POF1B: variants seen among roughly 807,000 people sequenced by gnomAD.
POF1B encodes protein POF1B.
POF1B carries 53 observed loss-of-function variants against 55.3 expected under a neutral mutation model. That is an observed-to-expected ratio of 0.96 (90% CI 0.77 to 1.20). The LOEUF is 1.20. Ranked by LOEUF, POF1B falls within the 50% of genes most tolerant of loss-of-function variation. POF1B has a pLI of 0.00. For missense variants in POF1B, 478 were observed against 420.5 expected (o/e 1.14, Z -1.20); for synonymous variants, 188 against 148.3 (o/e 1.27, Z -1.95).
chrX:85,363,815 CT>C (rs1221530599), intron 3 of POF1B, among the ~76,000 whole-genome samples: 1 of 111,053 alleles, frequency 9.0e-6, no homozygotes, highest in African/African-American at 3.3e-5. Flanking sequence ...AATTTTCTGC[CT>C]TGATGAGCTG....
intron 15 of POF1B, among the ~76,000 whole-genome samples, chrX:85,298,537 C>T (rs1317820703): frequency 1.8e-5 from 2 of 111,660 alleles, no homozygotes; most frequent in African/African-American, 3.3e-5. Flanking sequence ...CCTATTCAGC[C>T]TTAGTATCTG....
Position 85,343,175 on chromosome X carries a change from A to T in POF1B, c.723+2685T>A, listed in dbSNP as rs747403883. ...TGCACGTTCTGTACATGTATCCGAGAACTTAAAGTATAATAAAAAAAGAGA... is the reference window on the plus strand; with the variant it reads ...TGCACGTTCTGTACATGTATCCGAGTACTTAAAGTATAATAAAAAAAGAGA... On this transcript the variant is annotated intron_variant, in intron 6 of 16. Transcript: ENST00000262753. Among the ~76,000 whole-genome samples, 136 of 110,174 alleles carry T rather than the reference A, an allele frequency of 1.2e-3. 2 individuals are homozygous for T. Among genetic ancestry groups the T allele is most frequent in the African/African-American group, 4.3e-3 (132 of 30,361 alleles).
At position 85,362,377 on chromosome X, in the gene POF1B, G is replaced by A. The variant is rs1172696371; in HGVS notation, c.358-2747C>T. Among the ~76,000 whole-genome samples the A allele has an allele frequency of 2.7e-5, 3 of 111,270 alleles. No homozygotes were observed. The East Asian group carries it at 8.5e-4, about 32-fold the overall frequency. ...CCCTTTCACTATGATGTTGGCTATA[G>A]GTTTGTCACATATGGCTCTTATTAT... On this transcript the variant is annotated intron_variant, in intron 3 of 16. Transcript: ENST00000262753.
At chrX:85,347,113 G>A (rs777480476) in intron 5 of POF1B, among the ~76,000 whole-genome samples, 1 of 110,878 alleles carries the variant, frequency 9.0e-6, no homozygotes, top group East Asian at 2.9e-4. Context: ...TTTTAGTTTG[G>A]GGGATTTCAG....
At chrX:85,363,704 G>T (rs1342143764) in intron 3 of POF1B, among the ~76,000 whole-genome samples, 2 of 111,747 alleles carry the variant, frequency 1.8e-5, no homozygotes, top group African/African-American at 6.5e-5. Flanking sequence ...ACGTGATGAT[G>T]AGAAGAATGT....
intron 9 of POF1B, among the ~76,000 whole-genome samples, chrX:85,312,342 A>C (rs1932721702): frequency 9.0e-6 from 1 of 111,579 alleles, no homozygotes; most frequent in African/African-American, 3.3e-5. Flanking sequence ...ATCTTGAGTT[A>C]ATTTTTGTAT....
chrX:85,367,096 C>G (rs1282970532), intron 3 of POF1B, among the ~76,000 whole-genome samples: 1 of 111,082 alleles, frequency 9.0e-6, no homozygotes, highest in Non-Finnish European at 1.9e-5. Flanking sequence ...TAACAACAAA[C>G]TTAGCGTGCT....
At chrX:85,358,261 C>T (rs887102436) in intron 4 of POF1B, among the ~76,000 whole-genome samples, 2 of 111,565 alleles carry the variant, frequency 1.8e-5, no homozygotes, top group African/African-American at 6.5e-5. Flanking sequence ...TTATCTCCGA[C>T]ATCTGAACTC....
chrX:85,338,277 G>T (rs929543681), intron 6 of POF1B, among the ~76,000 whole-genome samples: 1 of 111,493 alleles, frequency 9.0e-6, no homozygotes, highest in Non-Finnish European at 1.9e-5. Flanking sequence ...TTATAACAAA[G>T]GATAAAATTG....
intron 15 of POF1B, among the ~76,000 whole-genome samples, chrX:85,288,794 G>A (rs1294915444): frequency 9.0e-6 from 1 of 111,041 alleles, no homozygotes; most frequent in South Asian, 3.8e-4. Flanking sequence ...TTCACCTCCC[G>A]CCATAATTCT....
At chrX:85,363,658 AT>A (rs1933666325) in intron 3 of POF1B, among the ~76,000 whole-genome samples, 1 of 111,663 alleles carries the variant, frequency 9.0e-6, no homozygotes, top group Non-Finnish European at 1.9e-5. Context: ...AGATTGTTTT[AT>A]ATCTGATTGT....
chrX:85,290,466 A>G (rs1319556200), intron 15 of POF1B, among the ~76,000 whole-genome samples: 2 of 111,357 alleles, frequency 1.8e-5, no homozygotes, highest in Admixed American at 1.9e-4. Context: ...CTTTGGGTAT[A>G]TACCCAGAAA....
chrX:85,304,319 C>T (rs745623805), intron 14 of POF1B, 24 bp downstream of exon 14: 11 of 1,144,774 alleles, frequency 9.6e-6, no homozygotes, highest in East Asian at 6.3e-5. Context: ...TACTTTTCTC[C>T]ATCCCCACCC....
rs142365155 is a variant in POF1B at position 85,331,055 on chromosome X, C to T, written c.748G>A (p.Glu250Lys). The change falls in exon 7 of 17, where the codon GAA (glutamate) becomes AAA (lysine). Residue 250 changes from glutamate (E) to lysine (K), a missense_variant. Physicochemically the swap from Glu to Lys is moderately conservative, Grantham distance 56. Coordinates refer to ENST00000262753, the MANE Select transcript of POF1B (RefSeq NM_024921.4). Reference protein sequence around the residue: ...EQVIIQDDGPEKLDPRYFGEL... With the variant: ...EQVIIQDDGPKKLDPRYFGEL... Reference sequence around the variant, plus strand: ...CCAAAATATCTGGGGTCCAATTTTTCAGGGCCATCATCCTGAATTATCACC... The same window carrying T: ...CCAAAATATCTGGGGTCCAATTTTTTAGGGCCATCATCCTGAATTATCACC... 6 of 1,204,537 alleles carry T rather than the reference C, an allele frequency of 5.0e-6. No homozygotes were observed. Among genetic ancestry groups the T allele is most frequent in the Non-Finnish European group, 6.7e-6 (6 of 892,566 alleles).
At chrX:85,334,951 T>G (rs937794669) in intron 6 of POF1B, among the ~76,000 whole-genome samples, 2 of 111,741 alleles carry the variant, frequency 1.8e-5, no homozygotes, top group African/African-American at 6.5e-5. Context: ...GCTATCTATA[T>G]TCTCTTGCCT....
chrX:85,296,782 CCT>C (rs1309984470), intron 15 of POF1B, among the ~76,000 whole-genome samples: 1 of 111,990 alleles, frequency 8.9e-6, no homozygotes, highest in Non-Finnish European at 1.9e-5. Flanking sequence ...TGCATGTCAA[CCT>C]CTCTAATGAG....
At chrX:85,286,456 T>A (rs749825628) in intron 15 of POF1B, among the ~76,000 whole-genome samples, 1 of 111,642 alleles carries the variant, frequency 9.0e-6, no homozygotes, top group East Asian at 2.8e-4. Context: ...CATATAGATA[T>A]GTATTGCCTA....
chrX:85,304,399 G>A lies in POF1B; in HGVS notation c.1510C>T (p.His504Tyr). The A allele has an allele frequency of 5.0e-6, 6 of 1,194,203 alleles. No homozygotes were observed. The highest frequency in any genetic ancestry group is 5.7e-6 in the Non-Finnish European group (5 of 884,541). ...TCTTCCAGCAAGCTTGTCAGTTCAT[G>A]AAGCTTAAATTGGAAGTCACTACAA... Reference protein sequence around the residue: ...GSCSDFQFKLHELTSLLEEKD... With the variant: ...GSCSDFQFKLYELTSLLEEKD... The change falls in exon 14 of 17, where the codon CAT becomes TAT. Residue 504 changes from histidine (H) to tyrosine (Y), a missense_variant. Physicochemically the swap from His to Tyr is moderately conservative, Grantham distance 83. Coordinates refer to ENST00000262753, the MANE Select transcript of POF1B (RefSeq NM_024921.4).
At chrX:85,376,335 G>A (rs1258692045) in intron 2 of POF1B, among the ~76,000 whole-genome samples, 1 of 111,560 alleles carries the variant, frequency 9.0e-6, no homozygotes, top group Non-Finnish European at 1.9e-5. Context: ...ATGATGGTAG[G>A]TTAACAGCTA....
Sources: gnomAD v4.1 joint callset for allele counts (sites outside exome capture counted in the v4.1 genomes callset) on GRCh38, gnomAD v4.1.1 for gene constraint, MANE v1.5 for transcripts, NCBI Gene and HGNC (gene_info 2026-07-23, HGNC 2026-07-21) for gene names.